Variants in DPP6 observed in about 807,000 individuals in gnomAD.
DPP6 encodes A-type potassium channel modulatory protein DPP6.
DPP6 carries 69 observed loss-of-function variants against 122.6 expected under a neutral mutation model. That is an observed-to-expected ratio of 0.56 (90% CI 0.46 to 0.69). The LOEUF (loss-of-function observed/expected upper bound fraction) is 0.69. Among genes scored for constraint, DPP6 ranks in the 30% least tolerant of loss-of-function variants. DPP6 has a pLI of 0.00. For synonymous variants in DPP6, 418 were observed against 433.1 expected (o/e 0.97, Z 0.43); for missense variants, 928 against 1,116.9 (o/e 0.83, Z 2.41).
chr7:154,164,019 G>T (rs913545807), intron 1 of DPP6, among the ~76,000 whole-genome samples: 8 of 152,220 alleles, frequency 5.3e-5, no homozygotes, highest in East Asian at 1.9e-4. Flanking sequence ...CTCGATGCCT[G>T]GTTTGGCTAC....
rs145374435 is a variant in DPP6 at position 154,481,911 on chromosome 7, G to A, written c.457+6874G>A. On this transcript the variant is annotated intron_variant, in intron 3 of 25. Coordinates refer to ENST00000377770, the MANE Select transcript of DPP6 (RefSeq NM_130797.4). The surrounding 1 kb of genome is among the most constrained non-coding windows in gnomAD (Gnocchi z 4.2). ...TGTAAACTCCACAAGGATGGGACTC[G>A]CATCTCTGTTTACTGTGGTATCCCC... Among the ~76,000 whole-genome samples the A allele has an allele frequency of 8.2e-4, 125 of 152,244 alleles. No homozygotes were observed. Among genetic ancestry groups the A allele is most frequent in the African/African-American group, 2.5e-3 (105 of 41,546 alleles).
intron 1 of DPP6, among the ~76,000 whole-genome samples, chr7:154,425,778 G>A (rs571165893): frequency 6.6e-6 from 1 of 151,772 alleles, no homozygotes; most frequent in Admixed American, 6.6e-5. Context: ...AAGTAGCTGG[G>A]CCTACAGGCA....
intron 1 of DPP6, among the ~76,000 whole-genome samples, chr7:154,017,621 G>A (rs1342612330): frequency 6.6e-6 from 1 of 150,904 alleles, no homozygotes; most frequent in Admixed American, 6.6e-5. Context: ...GATTGCTTGA[G>A]CCCGGAATTT....
chr7:154,641,338 C>T (rs1362154361), intron 6 of DPP6, among the ~76,000 whole-genome samples: 1 of 152,168 alleles, frequency 6.6e-6, no homozygotes, highest in East Asian at 1.9e-4. Context: ...ATGCCTTTTA[C>T]AACAAATCTA....
chr7:154,063,167 CG>C (rs749526600), intron 1 of DPP6, among the ~76,000 whole-genome samples: 1 of 122,530 alleles, frequency 8.2e-6, no homozygotes, highest in Non-Finnish European at 1.7e-5. Context: ...TCCCCTTTTC[CG>C]CCCCTGGCTG....
chr7:154,421,010 G>C (rs181315228), intron 1 of DPP6, among the ~76,000 whole-genome samples: 3 of 151,980 alleles, frequency 2.0e-5, no homozygotes, highest in Admixed American at 2.0e-4. Context: ...ATAAAATAAG[G>C]CAAAGTTTAA....
chr7:154,181,083 A>G (rs1798059865), intron 1 of DPP6, among the ~76,000 whole-genome samples: 1 of 152,140 alleles, frequency 6.6e-6, no homozygotes, highest in South Asian at 2.1e-4. Context: ...TTAAGTGGAA[A>G]GTTGAAGAGC....
At chr7:154,030,524 A>T (rs6980009) in intron 1 of DPP6, among the ~76,000 whole-genome samples, 1 of 151,992 alleles carries the variant, frequency 6.6e-6, no homozygotes, top group Non-Finnish European at 1.5e-5. Context: ...CTCCTGCATC[A>T]TAACGGTGCT....
chr7:154,182,789 C>T (rs1196479384), intron 1 of DPP6, among the ~76,000 whole-genome samples: 1 of 152,134 alleles, frequency 6.6e-6, no homozygotes, highest in Admixed American at 6.5e-5. Context: ...GAGAAAAATG[C>T]AAAACCACCT....
chr7:154,769,585 C>T lies in DPP6; in HGVS notation c.1038+14C>T, dbSNP rs367840125. The T allele has an allele frequency of 8.1e-5, 127 of 1,571,638 alleles. No homozygotes were observed. The East Asian group carries it at 2.9e-3, about 35-fold the overall frequency. ...CACTATCCCAAGGTAGGCAAAGGGA[C>T]ACCGCACAGCAAATTCTTTATATTA... On this transcript the variant is annotated intron_variant, in intron 9 of 25. Transcript: ENST00000377770.
At chr7:154,077,852 G>T (rs1244570707) in intron 1 of DPP6, among the ~76,000 whole-genome samples, 3 of 151,798 alleles carry the variant, frequency 2.0e-5, no homozygotes, top group Admixed American at 2.0e-4. Flanking sequence ...TGTATTTTTA[G>T]TAGAGATGGG....
intron 1 of DPP6, among the ~76,000 whole-genome samples, chr7:154,227,103 A>T (rs10271132): frequency 0.047 from 7,218 of 152,132 alleles, 554 homozygotes; most frequent in African/African-American, 0.16. Context: ...TGAAATTATG[A>T]TGTCAAAGAG....
intron 1 of DPP6, among the ~76,000 whole-genome samples, chr7:153,948,697 A>C (rs1585075195): frequency 6.6e-6 from 1 of 151,054 alleles, no homozygotes; most frequent in Middle Eastern, 3.4e-3. Context: ...TACAACTTAA[A>C]CAAAGGTCCC....
intron 7 of DPP6, among the ~76,000 whole-genome samples, chr7:154,671,592 A>G (rs912748841): frequency 1.3e-5 from 2 of 152,148 alleles, no homozygotes; most frequent in African/African-American, 2.4e-5. Flanking sequence ...CTTGTAACAT[A>G]AAGGAAATTT....
chr7:154,620,131 G>T (rs1834541750), intron 5 of DPP6, among the ~76,000 whole-genome samples: 1 of 152,178 alleles, frequency 6.6e-6, no homozygotes, highest in South Asian at 2.1e-4. Flanking sequence ...TCCTCTAGAG[G>T]ACTTGCATTG....
chr7:154,404,443 A>G (rs1815899168), intron 1 of DPP6, among the ~76,000 whole-genome samples: 1 of 152,234 alleles, frequency 6.6e-6, no homozygotes, highest in Non-Finnish European at 1.5e-5. Flanking sequence ...AAGAGCCTAG[A>G]GAAAATATTT....
chr7:154,118,710 C>T (rs1390583910), intron 1 of DPP6, among the ~76,000 whole-genome samples: 1 of 147,150 alleles, frequency 6.8e-6, no homozygotes, highest in Non-Finnish European at 1.5e-5. Context: ...AGGAGAAGCA[C>T]ATCTGAAGGG....
intron 4 of DPP6, among the ~76,000 whole-genome samples, chr7:154,551,083 G>C (rs1829599456): frequency 6.6e-6 from 1 of 152,070 alleles, no homozygotes; most frequent in South Asian, 2.1e-4. Flanking sequence ...CCAAAAGTTT[G>C]GGTAAAGCAG....
At chr7:154,719,914 G>T (rs1435680802) in intron 7 of DPP6, among the ~76,000 whole-genome samples, 1 of 152,212 alleles carries the variant, frequency 6.6e-6, no homozygotes, top group Non-Finnish European at 1.5e-5. Context: ...GTTTCAGGGG[G>T]TGCCAGGGAC....
Sources: allele counts gnomAD v4.1 joint callset (sites outside exome capture counted in the v4.1 genomes callset), GRCh38; gene constraint gnomAD v4.1.1; non-coding constraint Gnocchi (gnomAD v3.1); transcripts MANE v1.5; gene names NCBI Gene and HGNC (gene_info 2026-07-23, HGNC 2026-07-21).